Variants in ZFYVE26 observed in about 807,000 individuals in gnomAD.
ZFYVE26 encodes zinc finger FYVE domain-containing protein 26.
Under a neutral mutation model 276.5 loss-of-function variants are expected in ZFYVE26, and 181 were observed. That is an observed-to-expected ratio of 0.65 (90% confidence interval 0.58 to 0.74). ZFYVE26 has a LOEUF of 0.74. Ranked by LOEUF, ZFYVE26 falls within the 30% of genes least tolerant of loss-of-function variation. ZFYVE26 has a pLI of 0.00. For missense variants in ZFYVE26, 2,821 were observed against 3,097.9 expected (o/e 0.91, Z 2.12); for synonymous variants, 1,129 against 1,203.1 (o/e 0.94, Z 1.27).
intron 32 of ZFYVE26, among the ~76,000 whole-genome samples, 182 bp from the exon 33 acceptor site, chr14:67,763,001 CA>C (rs1299956984): frequency 6.6e-6 from 1 of 152,234 alleles, no homozygotes; most frequent in Non-Finnish European, 1.5e-5. Context: ...CTCCTGGGTT[CA>C]AACGATTCTT....
chr14:67,788,241 T>A (rs1356716096), intron 16 of ZFYVE26, among the ~76,000 whole-genome samples: 3 of 152,102 alleles, frequency 2.0e-5, no homozygotes, highest in African/African-American at 2.4e-5. Flanking sequence ...ATACAAAAAT[T>A]AGCCGGGCGT....
chr14:67,797,847 G>A (rs777479428), intron 11 of ZFYVE26, 92 bp from the exon 12 acceptor site: 101 of 1,578,032 alleles, frequency 6.4e-5, no homozygotes, highest in African/African-American at 6.0e-4. Flanking sequence ...GGTTTGCACT[G>A]GGCTCTGAGA....
In ZFYVE26 at chr14:67,772,122, G is replaced by T. The variant is rs745326956; in HGVS notation, c.5409C>A (p.Pro1803=). 4 of 1,612,834 alleles carry T rather than the reference G, an allele frequency of 2.5e-6. No homozygotes were observed. Among genetic ancestry groups the T allele is most frequent in the Non-Finnish European group, 3.4e-6 (4 of 1,179,760 alleles). ...PSQEFVPPAT[P]PARHQWVPDE... The stretch of plus-strand genomic sequence containing the variant: ...CCGGTACCCACTGGTGCCTGGCAGG[G>T]GGTGTCGCTGGGGGCACAAATTCCT... The change falls in exon 28 of 42, where the codon CCC becomes CCA. Residue 1803 remains proline (P), a synonymous_variant. Transcript: ENST00000347230.
chr14:67,752,204 G>T, intron 40 of ZFYVE26, 140 bp downstream of exon 40: 1 of 1,109,044 alleles, frequency 9.0e-7, no homozygotes, highest in Non-Finnish European at 1.3e-6. Flanking sequence ...TTATGGTGAG[G>T]CCATTATTGC....
rs950356390 is a variant in ZFYVE26, at chr14:67,783,037, G to GGCCCTTC, written c.4114_4115insGAAGGGC (p.Ala1372GlyfsTer46). ...AGACCCTCGCAGGGGCTCCCAGGCA[G>GGCCCTTC]CCAGGAGGAAGGCCTCAAACAGAGG... On this transcript the variant is annotated frameshift_variant, in exon 21 of 42. Transcript: ENST00000347230. LOFTEE classifies it high-confidence loss of function. 1.9e-6 allele frequency: 3 copies of GGCCCTTC among 1,614,098 alleles called. No individual in the cohort carries two copies. The highest frequency in any genetic ancestry group is 1.7e-6 in the Non-Finnish European group (2 of 1,180,044).
At chr14:67,788,643 G>A (rs1432156350) in intron 16 of ZFYVE26, among the ~76,000 whole-genome samples, 2 of 152,112 alleles carry the variant, frequency 1.3e-5, no homozygotes, top group Non-Finnish European at 2.9e-5. Context: ...GCTCTATGAC[G>A]ATAAGCTGAT....
intron 4 of ZFYVE26, 128 bp downstream of exon 4, chr14:67,809,070 TTC>T: frequency 1.2e-6 from 1 of 817,136 alleles, no homozygotes; most frequent in Non-Finnish European, 2.1e-6. Flanking sequence ...TCAAAGGAGC[TTC>T]TGTGTTGCCT....
Position 67,783,189 on chromosome 14 carries a change from C to A in ZFYVE26, c.3963G>T (p.Leu1321=), listed in dbSNP as rs562700056. The A allele has an allele frequency of 1.2e-6, 2 of 1,611,554 alleles. No individual in the cohort carries two copies. The highest frequency in any genetic ancestry group is 2.2e-5 in the South Asian group (2 of 90,872). ...RSKLLATVAC[L]GASPRLKVSK... is the part of the protein sequence containing the mutation. ...TGACCTTTAACCTCGGGGAAGCCCC[C>A]AGGCAGGCCACCGTAGCTAGGAGCT... The change falls in exon 21 of 42, where the codon CTG becomes CTT. Residue 1321 remains leucine (L), a synonymous_variant. Coordinates refer to ENST00000347230, the MANE Select transcript of ZFYVE26 (RefSeq NM_015346.4).
At chr14:67,784,252 A>G (rs1419808951) in intron 20 of ZFYVE26, 82 bp downstream of exon 20, 2 of 1,179,536 alleles carry the variant, frequency 1.7e-6, no homozygotes, top group African/African-American at 3.0e-5. Flanking sequence ...GCTAACCCCA[A>G]GCACCACCGC....
downstream of ZFYVE26, among the ~76,000 whole-genome samples, chr14:67,742,881 C>T (rs1461480913): frequency 1.8e-4 from 22 of 125,546 alleles, no homozygotes; most frequent in Non-Finnish European, 2.7e-4. Context: ...ACTCTGTCTC[C>T]CAGGCTGGAA....
chr14:67,804,821 T>C (rs1007491127), intron 8 of ZFYVE26, among the ~76,000 whole-genome samples: 3 of 152,212 alleles, frequency 2.0e-5, no homozygotes, highest in Non-Finnish European at 2.9e-5. Flanking sequence ...TTGGACAAGT[T>C]ATTTTATACC....
chr14:67,782,992 A>G lies in ZFYVE26; in HGVS notation c.4160T>C (p.Leu1387Pro), dbSNP rs1336592776. The change falls in exon 21 of 42, where the codon CTG (leucine) becomes CCG (proline). Residue 1387 changes from leucine (L) to proline (P), a missense_variant. Coordinates refer to ENST00000347230, the MANE Select transcript of ZFYVE26 (RefSeq NM_015346.4). ...LRGSLQQGQS[L>P]AVNLCGWASL... Reference sequence around the variant, plus strand: ...GGCCCAACCACAGAGATTCACTGCCAGACTCTGCCCCTGCTGCAAAGACCC... The same window carrying G: ...GGCCCAACCACAGAGATTCACTGCCGGACTCTGCCCCTGCTGCAAAGACCC... 5 of 1,614,222 alleles carry G rather than the reference A, an allele frequency of 3.1e-6. No individual in the cohort carries two copies. The highest frequency in any genetic ancestry group is 3.4e-6 in the Non-Finnish European group (4 of 1,180,034).
chr14:67,782,797 C>G lies in ZFYVE26; in HGVS notation c.4355G>C (p.Ser1452Thr), dbSNP rs775086188. Residue 1452 changes from serine to threonine, a missense_variant, in exon 21 of 42, where the codon AGC becomes ACC. Ser to Thr is a moderately conservative substitution (Grantham distance 58). Coordinates refer to ENST00000347230, the MANE Select transcript of ZFYVE26 (RefSeq NM_015346.4). The part of the protein sequence containing the change: ...DLSSIKDAVL[S>T]CAVACDKEGW... ...CTGCTCACCACATGCCACAGCACAG[C>G]TCAGGACTGCATCCTTTATGCTGCT... The G allele has an allele frequency of 6.2e-7, 1 of 1,614,116 alleles. No homozygotes were observed. The highest frequency in any genetic ancestry group is 8.5e-7 in the Non-Finnish European group (1 of 1,180,054).
At chr14:67,785,030 G>T in intron 19 of ZFYVE26, 29 bp downstream of exon 19, 1 of 1,610,684 alleles carries the variant, frequency 6.2e-7, no homozygotes, top group South Asian at 1.1e-5. Context: ...GGTCTGCCAT[G>T]AATCTATTGC....
chr14:67,779,369 C>A (rs1397740830), intron 23 of ZFYVE26, among the ~76,000 whole-genome samples: 1 of 152,088 alleles, frequency 6.6e-6, no homozygotes, highest in Non-Finnish European at 1.5e-5. Flanking sequence ...TCAAAACCAG[C>A]CTGGCCAACA....
At chr14:67,752,591 C>T (rs1380221899) in intron 39 of ZFYVE26, 65 bp from the exon 40 acceptor site, 3 of 1,541,838 alleles carry the variant, frequency 1.9e-6, no homozygotes, top group Non-Finnish European at 2.7e-6. Flanking sequence ...AGGGAGGCAG[C>T]ATTTAAAAGC....
chr14:67,755,728 A>G (rs781119372), intron 36 of ZFYVE26, among the ~76,000 whole-genome samples: 10 of 152,178 alleles, frequency 6.6e-5, no homozygotes, highest in Non-Finnish European at 1.2e-4. Context: ...TGCTTTCTGA[A>G]GAATGCCTTT....
intron 14 of ZFYVE26, among the ~76,000 whole-genome samples, chr14:67,791,600 C>T (rs976791333): frequency 6.7e-6 from 1 of 148,834 alleles, no homozygotes; most frequent in Non-Finnish European, 1.5e-5. Context: ...CTGATATTGT[C>T]GTATATGTAC....
chr14:67,732,578 G>A (rs556812322), intron 13 of ZFYVE26, among the ~76,000 whole-genome samples: 1 of 149,386 alleles, frequency 6.7e-6, no homozygotes, highest in East Asian at 2.0e-4. Context: ...CTAAATGATA[G>A]ACTTTTCTTT....
Sources: gnomAD v4.1 joint callset for allele counts (sites outside exome capture counted in the v4.1 genomes callset) on GRCh38, gnomAD v4.1.1 for gene constraint, MANE v1.5 for transcripts, NCBI Gene and HGNC (gene_info 2026-07-23, HGNC 2026-07-21) for gene names.